The following GMDS variants were observed in gnomAD, a reference collection of about 807,000 sequenced individuals.
GMDS encodes GDP-mannose 4,6-dehydratase.
A neutral mutation model predicts 49.9 loss-of-function variants in GMDS; 20 were observed. That is an observed-to-expected ratio of 0.40 (90% confidence interval 0.28 to 0.58). The LOEUF (loss-of-function observed/expected upper bound fraction) is 0.58. GMDS is among the 20% of genes least tolerant of loss of function. The probability of loss-of-function intolerance (pLI) is 0.42; values close to 1 mark genes in which losing one functional copy is unlikely to be tolerated. For missense variants in GMDS, 362 were observed against 481.4 expected (o/e 0.75, Z 2.32); for synonymous variants, 177 against 178.6 (o/e 0.99, Z 0.07).
At chr6:2,245,300 C>T (rs1388058272) in intron 1 of GMDS, 21 bp downstream of exon 1, 2 of 1,491,762 alleles carry the variant, frequency 1.3e-6, no homozygotes, top group South Asian at 1.2e-5. Flanking sequence ...TCGGCCGGCG[C>T]GCCCCCGCCC....
intron 4 of GMDS, among the ~76,000 whole-genome samples, chr6:2,100,637 A>C (rs930662132): frequency 5.9e-5 from 9 of 152,066 alleles, no homozygotes; most frequent in African/African-American, 2.2e-4. Context: ...TATTAATAAA[A>C]ACTAAATGAC....
At chr6:1,751,777 C>T (rs1386185727) in intron 7 of GMDS, among the ~76,000 whole-genome samples, 4 of 152,170 alleles carry the variant, frequency 2.6e-5, no homozygotes, top group African/African-American at 9.7e-5. Context: ...CAGGCATGAG[C>T]CACCGTGCCC....
chr6:2,193,887 C>A (rs1185759180), intron 1 of GMDS, among the ~76,000 whole-genome samples: 1 of 151,902 alleles, frequency 6.6e-6, no homozygotes, highest in African/African-American at 2.4e-5. Flanking sequence ...CCACGCCCAG[C>A]TAATTTTTTG....
At chr6:1,925,322 C>T (rs1761941910) in intron 7 of GMDS, among the ~76,000 whole-genome samples, 1 of 152,078 alleles carries the variant, frequency 6.6e-6, no homozygotes, top group Admixed American at 6.5e-5. Flanking sequence ...ACTTTGAAAA[C>T]ATCTTGATCT....
intron 7 of GMDS, among the ~76,000 whole-genome samples, chr6:1,798,237 G>GCACACACA (rs70992103): frequency 3.5e-5 from 5 of 143,338 alleles, no homozygotes; most frequent in Non-Finnish European, 4.6e-5. Flanking sequence ...TAATTACAGA[G>GCACACACA]CACACACACA....
chr6:1,647,776 G>T (rs1353485616), intron 9 of GMDS, among the ~76,000 whole-genome samples: 2 of 152,202 alleles, frequency 1.3e-5, no homozygotes, highest in Admixed American at 6.5e-5. Context: ...ACATTCTCAG[G>T]CCGGAGTGGG....
chr6:1,797,090 C>T (rs989202145), intron 7 of GMDS, among the ~76,000 whole-genome samples: 2 of 152,190 alleles, frequency 1.3e-5, no homozygotes, highest in African/African-American at 2.4e-5. Context: ...GGTGAGCAGC[C>T]TGCAAGCGAG....
At chr6:1,880,860 C>T (rs1258443821) in intron 7 of GMDS, among the ~76,000 whole-genome samples, 2 of 152,054 alleles carry the variant, frequency 1.3e-5, no homozygotes, top group Non-Finnish European at 2.9e-5. Context: ...AATATCTCCA[C>T]CTGTATTTAG....
chr6:2,100,347 T>C (rs567855678), intron 4 of GMDS, among the ~76,000 whole-genome samples: 1 of 152,166 alleles, frequency 6.6e-6, no homozygotes, highest in African/African-American at 2.4e-5. Flanking sequence ...TTGGATTTAT[T>C]ACAAATTCCT....
At chr6:1,749,751 G>T (rs1034663895) in intron 7 of GMDS, among the ~76,000 whole-genome samples, 31 of 152,134 alleles carry the variant, frequency 2.0e-4, no homozygotes, top group African/African-American at 7.5e-4. Context: ...AAATTATTTT[G>T]TGCAAAATTC....
intron 6 of GMDS, among the ~76,000 whole-genome samples, chr6:1,942,350 A>G (rs1291999443): frequency 6.6e-6 from 1 of 152,164 alleles, no homozygotes; most frequent in Non-Finnish European, 1.5e-5. Context: ...TGGCTGCTCA[A>G]TGCAGATTCC....
At chr6:1,819,047 TACAC>T (rs1770783316) in intron 7 of GMDS, among the ~76,000 whole-genome samples, 1 of 150,820 alleles carries the variant, frequency 6.6e-6, no homozygotes, top group Non-Finnish European at 1.5e-5. Context: ...CACACACACA[TACAC>T]ACACTCTCAC....
At chr6:1,744,673 G>C (rs188031608) in intron 7 of GMDS, among the ~76,000 whole-genome samples, 18 of 152,308 alleles carry the variant, frequency 1.2e-4, no homozygotes, top group Admixed American at 2.6e-4. Flanking sequence ...GTGTCTTTCT[G>C]AAAGGGGCAC....
At chr6:1,716,753 C>G (rs1766190076) in intron 9 of GMDS, among the ~76,000 whole-genome samples, 1 of 152,198 alleles carries the variant, frequency 6.6e-6, no homozygotes, top group East Asian at 1.9e-4. Context: ...ACCTCCTGCC[C>G]CAATTGTGAA....
At chr6:1,857,134 C>T (rs531691741) in intron 7 of GMDS, among the ~76,000 whole-genome samples, 1 of 152,308 alleles carries the variant, frequency 6.6e-6, no homozygotes, top group South Asian at 2.1e-4. Flanking sequence ...TTATCTCAGA[C>T]AATGTTGACT....
chr6:1,722,835 A>C (rs946114277), intron 9 of GMDS, among the ~76,000 whole-genome samples: 3 of 152,214 alleles, frequency 2.0e-5, no homozygotes, highest in Non-Finnish European at 4.4e-5. Context: ...AATTATACAC[A>C]AGACAGGGGT....
intron 4 of GMDS, among the ~76,000 whole-genome samples, chr6:1,994,725 G>A (rs1477309696): frequency 6.6e-6 from 1 of 152,070 alleles, no homozygotes; most frequent in Admixed American, 6.6e-5. Context: ...CCAGAAGGAG[G>A]TGGCATTAAG....
chr6:1,695,992 T>C (rs1386232410), intron 9 of GMDS, among the ~76,000 whole-genome samples: 3 of 150,700 alleles, frequency 2.0e-5, no homozygotes, highest in African/African-American at 7.4e-5. Context: ...AGCACCAAGT[T>C]GAACCCACGT....
At chr6:1,800,629 CT>C (rs879780270) in intron 7 of GMDS, among the ~76,000 whole-genome samples, 132 of 138,036 alleles carry the variant, frequency 9.6e-4, no homozygotes, top group Admixed American at 1.3e-3. Flanking sequence ...TTCTTTCTTT[CT>C]TTTTTTTTTT....
Sources: gnomAD v4.1 joint callset for allele counts (sites outside exome capture counted in the v4.1 genomes callset) on GRCh38, gnomAD v4.1.1 for gene constraint, MANE v1.5 for transcripts, NCBI Gene and HGNC (gene_info 2026-07-23, HGNC 2026-07-21) for gene names.